The following AGBL1 variants were observed in gnomAD, a reference collection of about 807,000 sequenced individuals.
The protein encoded by AGBL1 is AGBL carboxypeptidase 1.
A neutral mutation model predicts 118.9 loss-of-function variants in AGBL1; 130 were observed. That is an observed-to-expected ratio of 1.09 (90% CI 0.95 to 1.26). The LOEUF (loss-of-function observed/expected upper bound fraction) is 1.26, where lower values mean the gene tolerates loss of function less well. Ranked by LOEUF, AGBL1 falls within the 50% of genes most tolerant of loss-of-function variation. The pLI is 0.00. For synonymous variants in AGBL1, 555 were observed against 478.9 expected (o/e 1.16, Z -2.08); for missense variants, 1,584 against 1,298.1 (o/e 1.22, Z -3.38).
intron 1 of AGBL1, among the ~76,000 whole-genome samples, chr15:86,097,172 G>A (rs1257091159): frequency 6.6e-6 from 1 of 152,048 alleles, no homozygotes; most frequent in African/African-American, 2.4e-5. Context: ...TCTTTTTGAT[G>A]TTTATTTTTA....
At chr15:86,185,020 G>C (rs116216431) in intron 5 of AGBL1, among the ~76,000 whole-genome samples, 2,803 of 152,200 alleles carry the variant, frequency 0.018, 90 homozygotes, top group African/African-American at 0.062. Flanking sequence ...TCATCTGAAA[G>C]GGCTAATATC....
chr15:86,178,128 G>A (rs987978276), intron 5 of AGBL1, among the ~76,000 whole-genome samples: 1 of 152,042 alleles, frequency 6.6e-6, no homozygotes, highest in Non-Finnish European at 1.5e-5. Context: ...CCTGGCCAAC[G>A]TGATGTAACC....
intron 24 of AGBL1, among the ~76,000 whole-genome samples, chr15:87,007,537 A>G (rs1043630368): frequency 6.6e-6 from 1 of 152,206 alleles, no homozygotes; most frequent in African/African-American, 2.4e-5. Flanking sequence ...TATTGCTAGC[A>G]TTAGTCTTGT....
chr15:86,894,262 C>A (rs1272837000), intron 22 of AGBL1, among the ~76,000 whole-genome samples: 3 of 152,122 alleles, frequency 2.0e-5, no homozygotes, highest in South Asian at 4.1e-4. Context: ...TTATATTTAA[C>A]TTCAGTTGCA....
At chr15:86,129,040 C>G (rs2076785030) in intron 1 of AGBL1, among the ~76,000 whole-genome samples, 1 of 152,132 alleles carries the variant, frequency 6.6e-6, no homozygotes, top group East Asian at 1.9e-4. Context: ...AAATCTTAGT[C>G]TTTATCGCCT....
At chr15:86,257,146 A>G in intron 8 of AGBL1, 128 bp downstream of exon 8, 3 of 1,062,228 alleles carry the variant, frequency 2.8e-6, no homozygotes, top group African/African-American at 1.6e-5. Context: ...TAAGCTAATT[A>G]GAGACATATA....
At chr15:86,290,287 C>T (rs1238477749) in intron 16 of AGBL1, among the ~76,000 whole-genome samples, 1 of 148,516 alleles carries the variant, frequency 6.7e-6, no homozygotes, top group East Asian at 2.0e-4. Flanking sequence ...TTTTATATTG[C>T]TTTTCTGTTT....
intron 5 of AGBL1, among the ~76,000 whole-genome samples, chr15:86,191,348 C>CA (rs869108108): frequency 0.16 from 10,541 of 64,882 alleles, 1,147 homozygotes; most frequent in Non-Finnish European, 0.21. Context: ...AACTTTGTCT[C>CA]AAAAAAAAAA....
At chr15:86,749,915 T>C (rs1007507085) in intron 22 of AGBL1, among the ~76,000 whole-genome samples, 1 of 152,198 alleles carries the variant, frequency 6.6e-6, no homozygotes, top group South Asian at 2.1e-4. Context: ...CGTTTGCCAG[T>C]ATTTTATTGA....
At chr15:86,694,918 C>T (rs2086230774) in intron 22 of AGBL1, among the ~76,000 whole-genome samples, 2 of 152,014 alleles carry the variant, frequency 1.3e-5, no homozygotes, top group Non-Finnish European at 2.9e-5. Flanking sequence ...ATATATTAAA[C>T]CATTCCTGCA....
chr15:86,571,086 C>T (rs997676301), intron 21 of AGBL1, among the ~76,000 whole-genome samples: 14 of 152,158 alleles, frequency 9.2e-5, no homozygotes, highest in Admixed American at 1.3e-4. Context: ...GGACCGGCTA[C>T]ACCACAAGCA....
chr15:86,385,726 A>G (rs1232735908), intron 17 of AGBL1, among the ~76,000 whole-genome samples: 1 of 152,144 alleles, frequency 6.6e-6, no homozygotes, highest in Non-Finnish European at 1.5e-5. Context: ...CTGCCACTTC[A>G]TGGATGAAGA....
intron 17 of AGBL1, among the ~76,000 whole-genome samples, chr15:86,392,789 G>T (rs2081307901): frequency 1.3e-5 from 2 of 152,036 alleles, no homozygotes. Flanking sequence ...TCCAAACCAT[G>T]ACTCCCCCGT....
chr15:86,893,414 T>G (rs2080078673), intron 22 of AGBL1, among the ~76,000 whole-genome samples: 1 of 152,198 alleles, frequency 6.6e-6, no homozygotes, highest in Non-Finnish European at 1.5e-5. Flanking sequence ...CTGGGTTTTG[T>G]TCACCCTGTT....
chr15:86,972,041 A>G (rs1469734), intron 23 of AGBL1, among the ~76,000 whole-genome samples: 140,308 of 152,036 alleles, frequency 0.92, 64,922 homozygotes, highest in Middle Eastern at 0.99. Flanking sequence ...GCTGAACTGT[A>G]AGTCAATTAA....
chr15:86,277,118 G>A (rs906951190), intron 15 of AGBL1, among the ~76,000 whole-genome samples: 3 of 151,484 alleles, frequency 2.0e-5, no homozygotes, highest in Non-Finnish European at 4.4e-5. Context: ...TTAGCTGAAA[G>A]TCATTCTAAA....
intron 17 of AGBL1, among the ~76,000 whole-genome samples, chr15:86,388,124 T>G (rs1426943143): frequency 6.6e-6 from 1 of 152,190 alleles, no homozygotes; most frequent in Admixed American, 6.5e-5. Flanking sequence ...AAAAGATGGC[T>G]TGGGTGCAGA....
rs2080357446 is a variant in AGBL1 at position 86,911,924 on chromosome 15, A to G, written c.*4630A>G. Reference sequence around the variant, plus strand: ...ATATGTCTTTTATACCCACACCCCCATTCACCATTGAATAGTGAGCTCTAA... The same window carrying G: ...ATATGTCTTTTATACCCACACCCCCGTTCACCATTGAATAGTGAGCTCTAA... On this transcript the variant is annotated 3_prime_UTR_variant, in exon 23 of 23. Transcript: ENST00000614907. The G allele has an allele frequency of 6.6e-6, 1 of 152,082 alleles. No individual in the cohort carries two copies. The highest frequency in any genetic ancestry group is 2.4e-5 in the African/African-American group (1 of 41,384). The allele number at this position is 152,082 out of a possible 1,614,324, so 9.4% of individuals were successfully genotyped here. A position where few individuals can be genotyped will look rare whatever the true frequency, so the allele number is the denominator to read the frequency against.
chr15:86,680,243 C>T (rs1240620428), intron 22 of AGBL1, among the ~76,000 whole-genome samples: 1 of 152,126 alleles, frequency 6.6e-6, no homozygotes, highest in African/African-American at 2.4e-5. Flanking sequence ...CCATTGTATG[C>T]AATCATGTCC....
Sources: gnomAD v4.1 joint callset for allele counts (sites outside exome capture counted in the v4.1 genomes callset) on GRCh38, gnomAD v4.1.1 for gene constraint, MANE v1.5 for transcripts, NCBI Gene and HGNC (gene_info 2026-07-23, HGNC 2026-07-21) for gene names.